ARHGEF33: variants seen among roughly 807,000 people sequenced by gnomAD.
The protein encoded by ARHGEF33 is DH and coiled-coil domain-containing protein ENSP00000381780.
A neutral mutation model predicts 101.9 loss-of-function variants in ARHGEF33; 72 were observed. The ratio of observed to expected loss-of-function variants is 0.71; its 90% CI spans 0.58 to 0.86. The LOEUF (loss-of-function observed/expected upper bound fraction) is 0.86, where lower values mean the gene tolerates loss of function less well. Ranked by LOEUF, ARHGEF33 falls within the 40% of genes least tolerant of loss-of-function variation. The pLI is 0.00. For synonymous variants in ARHGEF33, 499 were observed against 442.5 expected, an observed-to-expected ratio of 1.13 and a Z score of -1.60; for missense variants, 1,169 against 1,111.3, an observed-to-expected ratio of 1.05 and a Z score of -0.74.
At position 38,960,531 on chromosome 2, in the gene ARHGEF33, C is replaced by A. The variant is rs1365447476; in HGVS notation, c.2226C>A (p.Arg742=). Residue 742 remains arginine, a synonymous_variant, in exon 16 of 18, where the codon CGC becomes CGA. Transcript: ENST00000409978. The part of the protein sequence containing the change: ...SGGRAPIKAE[R]AAQAHGPAAA... ...GCCGCGCGCCCATCAAGGCCGAGCGCGCCGCGCAGGCGCACGGCCCGGCCG... is the reference window on the plus strand; with the variant it reads ...GCCGCGCGCCCATCAAGGCCGAGCGAGCCGCGCAGGCGCACGGCCCGGCCG... The A allele has an allele frequency of 2.4e-6, 3 of 1,256,542 alleles. No individual in the cohort carries two copies. Among genetic ancestry groups the A allele is most frequent in the South Asian group, 3.2e-5 (1 of 30,886 alleles). The allele number at this position is 1,256,542 out of a possible 1,614,324, so 77.8% of individuals were successfully genotyped here. A position where few individuals can be genotyped will look rare whatever the true frequency, so the allele number is the denominator to read the frequency against.
intron 8 of ARHGEF33, among the ~76,000 whole-genome samples, chr2:38,936,711 C>T (rs927684911): frequency 3.9e-5 from 6 of 151,986 alleles, no homozygotes; most frequent in African/African-American, 1.4e-4. Flanking sequence ...CATGGTGGCT[C>T]ACGCCTGTAA....
At chr2:38,890,018 C>T (rs967401250) in intron 1 of ARHGEF33, 32 bp downstream of exon 1, 1 of 419,484 alleles carries the variant, frequency 2.4e-6, no homozygotes, top group Non-Finnish European at 4.9e-6. Context: ...CTTTAAGGGG[C>T]ACTGAAAGGG....
intron 4 of ARHGEF33, among the ~76,000 whole-genome samples, chr2:38,922,118 G>A (rs759584921): frequency 7.2e-5 from 11 of 152,128 alleles, no homozygotes; most frequent in African/African-American, 1.7e-4. Flanking sequence ...TAAATTTAAA[G>A]CACATCTCTG....
intron 2 of ARHGEF33, 143 bp from the exon 3 acceptor site, chr2:38,919,220 T>C: frequency 2.0e-6 from 1 of 500,256 alleles, no homozygotes; most frequent in Non-Finnish European, 3.6e-6. Context: ...GCTAAATGTG[T>C]ACTTAATTTA....
Position 38,960,219 on chromosome 2 carries a change from C to A in ARHGEF33, c.1914C>A (p.Ala638=), listed in dbSNP as rs768591942. The change falls in exon 16 of 18, where the codon GCC becomes GCA. Residue 638 remains alanine (A), a synonymous_variant. Transcript: ENST00000409978. ...PYDEEPFQAP[A]LFENCSPASS... is the part of the protein sequence containing the mutation. ...ACGAGGAGCCGTTCCAGGCTCCGGCCCTCTTCGAGAACTGCTCGCCTGCCT... is the reference window on the plus strand; with the variant it reads ...ACGAGGAGCCGTTCCAGGCTCCGGCACTCTTCGAGAACTGCTCGCCTGCCT... 2 of 1,547,078 alleles carry A rather than the reference C, an allele frequency of 1.3e-6. No homozygotes were observed. Among genetic ancestry groups the A allele is most frequent in the Non-Finnish European group, 1.7e-6 (2 of 1,145,322 alleles).
Position 38,965,733 on chromosome 2 carries a change from GTTCT to G in ARHGEF33, c.2344-270_2344-267del, listed in dbSNP as rs137974592. Among the ~76,000 whole-genome samples the G allele has an allele frequency of 2.0e-3, 301 of 152,308 alleles. 2 individuals are homozygous for G. Among genetic ancestry groups the G allele is most frequent in the Middle Eastern group, 3.4e-3 (1 of 294 alleles). On this transcript the variant is annotated intron_variant, in intron 16 of 17. Coordinates refer to ENST00000409978, the MANE Select transcript of ARHGEF33 (RefSeq NM_001145451.5). ...GTCCACTTTTTAAACATTAGCTAAT[GTTCT>G]TTATTTCCTTATCTTTAATTATTGT... is the stretch of plus-strand genomic sequence containing the variant.
Position 38,952,334 on chromosome 2 carries a change from C to T in ARHGEF33, c.1054-828C>T, listed in dbSNP as rs529402272. 6.6e-5 allele frequency among the ~76,000 whole-genome samples: 10 copies of T among 152,234 alleles called. No individual in the cohort carries two copies. The South Asian group carries it at 1.9e-3, about 28-fold the overall frequency. On this transcript the variant is annotated intron_variant, in intron 11 of 17. Transcript: ENST00000409978. ...CTTGTGTTCAGTATGCTTCCTTTAG[C>T]TGAGAATTATTATAACTTTAGAAGC...
chr2:38,962,964 C>T lies in ARHGEF33; in HGVS notation c.2343+2316C>T, dbSNP rs889516324. ...GCGTGAACCCGGGAGGTGGAGCTTG[C>T]AGGGAGCCGAGATCGCATCACTGCA... On this transcript the variant is annotated intron_variant, in intron 16 of 17. Coordinates refer to ENST00000409978, the MANE Select transcript of ARHGEF33 (RefSeq NM_001145451.5). Among the ~76,000 whole-genome samples the T allele has an allele frequency of 2.1e-5, 3 of 143,188 alleles. No individual in the cohort carries two copies. In the East Asian group the frequency reaches 6.4e-4, roughly 30 times the overall value. 93.9% of individuals were successfully genotyped at this position (143,188 alleles called of 152,430 possible).
At position 38,960,303 on chromosome 2, in the gene ARHGEF33, C is replaced by T. The variant is rs1172833160; in HGVS notation, c.1998C>T (p.Ala666=). ...FLRPVSFAME[A]ERPEHPLQPL... is the part of the protein sequence containing the mutation. ...GGCCCGTCAGCTTCGCCATGGAGGC[C>T]GAGCGGCCGGAGCACCCGCTGCAGC... The change falls in exon 16 of 18, where the codon GCC becomes GCT. Residue 666 remains alanine (A), a synonymous_variant. Coordinates refer to ENST00000409978, the MANE Select transcript of ARHGEF33 (RefSeq NM_001145451.5). 3 of 1,545,090 alleles carry T rather than the reference C, an allele frequency of 1.9e-6. No homozygotes were observed. Among genetic ancestry groups the T allele is most frequent in the East Asian group, 2.5e-5 (1 of 40,816 alleles).
intron 1 of ARHGEF33, among the ~76,000 whole-genome samples, chr2:38,890,647 G>T (rs367744143): frequency 1.2e-4 from 18 of 152,246 alleles, no homozygotes; most frequent in African/African-American, 4.3e-4. Context: ...AATTATGTGA[G>T]TTTTTATATG....
chr2:38,951,679 A>G (rs1667610586), intron 11 of ARHGEF33, among the ~76,000 whole-genome samples: 1 of 152,066 alleles, frequency 6.6e-6, no homozygotes, highest in Non-Finnish European at 1.5e-5. Flanking sequence ...ACAAATATAT[A>G]TGCATCTGTG....
chr2:38,939,538 T>C (rs1254451950), intron 9 of ARHGEF33, among the ~76,000 whole-genome samples: 2 of 152,244 alleles, frequency 1.3e-5, no homozygotes, highest in Non-Finnish European at 2.9e-5. Flanking sequence ...GGATGTGTAC[T>C]GGTATCACAC....
chr2:38,901,878 G>A lies in ARHGEF33; in HGVS notation c.-86+6029G>A, dbSNP rs187766885. Among the ~76,000 whole-genome samples, 17 of 152,314 alleles carry A rather than the reference G, an allele frequency of 1.1e-4. 1 individual carries two copies. Among genetic ancestry groups the A allele is most frequent in the Admixed American group, 5.2e-4 (8 of 15,300 alleles). ...CGCCTGTAATCCCAGCACTTTGGGA[G>A]GCTGAGACGGGTGGATCACAAGGTC... On this transcript the variant is annotated intron_variant, in intron 2 of 17. Transcript: ENST00000409978.
intron 2 of ARHGEF33, among the ~76,000 whole-genome samples, chr2:38,896,217 C>A (rs1666119584): frequency 6.6e-6 from 1 of 152,222 alleles, no homozygotes; most frequent in African/African-American, 2.4e-5. Context: ...TAGGTCACTG[C>A]AACCTCTGCC....
chr2:38,898,930 T>C (rs1375550404), intron 2 of ARHGEF33, among the ~76,000 whole-genome samples: 1 of 152,220 alleles, frequency 6.6e-6, no homozygotes, highest in Non-Finnish European at 1.5e-5. Flanking sequence ...TCTGAAAGAT[T>C]CTCAGACATG....
In ARHGEF33 at chr2:38,974,284, AT is replaced by A. The variant is rs1289274665; in HGVS notation, c.*442del. ...CAGTGTTCTTAAACTAATATACACT[AT>A]GTTAGGGGCCAGTTCTGTCTTGCTT... On this transcript the variant is annotated 3_prime_UTR_variant, in exon 18 of 18. Transcript: ENST00000409978. 6.6e-6 allele frequency: 1 copy of A among 152,282 alleles called. No individual in the cohort carries two copies. Among genetic ancestry groups the A allele is most frequent in the Non-Finnish European group, 1.5e-5 (1 of 68,096 alleles). 9.4% of individuals were successfully genotyped at this position (152,282 alleles called of 1,614,324 possible). A position where few individuals can be genotyped will look rare whatever the true frequency, so the allele number is the denominator to read the frequency against.
At chr2:38,919,588 T>TGA in intron 3 of ARHGEF33, 116 bp downstream of exon 3, 1 of 1,071,212 alleles carries the variant, frequency 9.3e-7, no homozygotes, top group Non-Finnish European at 1.4e-6. Flanking sequence ...CATTTCCCTA[T>TGA]CATCATATAA....
At chr2:38,946,859 C>T (rs755312284) in intron 10 of ARHGEF33, among the ~76,000 whole-genome samples, 1 of 152,162 alleles carries the variant, frequency 6.6e-6, no homozygotes, top group Non-Finnish European at 1.5e-5. Context: ...CTCCTGACCT[C>T]AAGTGATCTA....
chr2:38,937,412 C>G lies in ARHGEF33; in HGVS notation c.643C>G (p.Leu215Val). 6.5e-7 allele frequency: 1 copy of G among 1,540,736 alleles called. No individual in the cohort carries two copies. The highest frequency in any genetic ancestry group is 8.8e-7 in the Non-Finnish European group (1 of 1,141,556). ...LSADIQSKGH[L>V]PSGMWRQPKD... ...GGCTGATATCCAGTCCAAGGGCCAT[C>G]TCCCATCTGGCATGTGGAGGCAGCC... Residue 215 changes from leucine to valine, a missense_variant, in exon 9 of 18, where the codon CTC becomes GTC. Coordinates refer to ENST00000409978, the MANE Select transcript of ARHGEF33 (RefSeq NM_001145451.5).
Sources: allele counts gnomAD v4.1 joint callset (sites outside exome capture counted in the v4.1 genomes callset), GRCh38; gene constraint gnomAD v4.1.1; transcripts MANE v1.5; gene names NCBI Gene and HGNC (gene_info 2026-07-23, HGNC 2026-07-21).